The following ERC2 variants were observed in gnomAD, a reference collection of about 807,000 sequenced individuals.
The protein encoded by ERC2 is ELKS/RAB6-interacting/CAST family member 2, also known as ERC protein 2.
A neutral mutation model predicts 114.8 loss-of-function variants in ERC2; 42 were observed. That is an observed-to-expected ratio of 0.37 (90% CI 0.29 to 0.47). The LOEUF is 0.47. Among genes scored for constraint, ERC2 ranks in the 20% least tolerant of loss-of-function variants. The pLI is 0.99. For missense variants in ERC2, 939 were observed against 1,150.7 expected (o/e 0.82, Z 2.66); for synonymous variants, 454 against 425.5 (o/e 1.07, Z -0.82).
At chr3:55,615,050 T>C (rs2059068465) in intron 17 of ERC2, among the ~76,000 whole-genome samples, 1 of 152,258 alleles carries the variant, frequency 6.6e-6, no homozygotes. Flanking sequence ...GCAAGCCTAC[T>C]ATGTTCACAG....
At chr3:55,662,335 G>A (rs1340438392) in intron 17 of ERC2, among the ~76,000 whole-genome samples, 1 of 152,220 alleles carries the variant, frequency 6.6e-6, no homozygotes, top group Non-Finnish European at 1.5e-5. Flanking sequence ...CCCATTAACT[G>A]TGAGTGGCTA....
intron 2 of ERC2, among the ~76,000 whole-genome samples, chr3:56,378,822 G>A (rs987609205): frequency 5.3e-5 from 8 of 152,158 alleles, no homozygotes; most frequent in African/African-American, 1.9e-4. Context: ...CACCTCCACT[G>A]CAACAGAGGC....
At chr3:56,246,700 A>T (rs2051735098) in intron 3 of ERC2, among the ~76,000 whole-genome samples, 1 of 152,130 alleles carries the variant, frequency 6.6e-6, no homozygotes, top group African/African-American at 2.4e-5. Context: ...CTTAACTACT[A>T]GACCATTTGG....
At chr3:56,229,926 C>T (rs1165308362) in intron 3 of ERC2, among the ~76,000 whole-genome samples, 3 of 118,954 alleles carry the variant, frequency 2.5e-5, no homozygotes, top group East Asian at 5.8e-4. Context: ...GGCTGGGGTA[C>T]AGTGGCATGA....
chr3:55,544,408 C>T (rs1295075889), intron 17 of ERC2, among the ~76,000 whole-genome samples: 2 of 152,116 alleles, frequency 1.3e-5, no homozygotes, highest in Non-Finnish European at 2.9e-5. Flanking sequence ...TACCTCCCAC[C>T]CCCAGCTCTA....
intron 17 of ERC2, chr3:55,612,922 T>C (rs559955682): frequency 3.3e-5 from 5 of 152,342 alleles, no homozygotes; most frequent in African/African-American, 7.2e-5. Flanking sequence ...GCAAGGCTGA[T>C]TCATTTTTCT....
intron 15 of ERC2, among the ~76,000 whole-genome samples, chr3:55,730,690 G>A (rs1180172507): frequency 6.6e-6 from 1 of 152,200 alleles, no homozygotes; most frequent in African/African-American, 2.4e-5. Context: ...AGGCAATGTA[G>A]TGAAACCCCA....
chr3:55,992,040 A>G lies in ERC2; in HGVS notation c.2255+17T>C, dbSNP rs371956837. The G allele has an allele frequency of 2.3e-5, 37 of 1,608,938 alleles. No individual in the cohort carries two copies. Among genetic ancestry groups the G allele is most frequent in the South Asian group, 8.8e-5 (8 of 90,402 alleles). ...TGTTCTCTCACTGCCAACAATTTATATAACTGTAAAATTTACCTCTCCAGT... is the reference window on the plus strand; with the variant it reads ...TGTTCTCTCACTGCCAACAATTTATGTAACTGTAAAATTTACCTCTCCAGT... On this transcript the variant is annotated intron_variant, in intron 11 of 17. Transcript: ENST00000288221.
At chr3:55,515,350 T>C (rs990316464) in intron 17 of ERC2, among the ~76,000 whole-genome samples, 3 of 152,190 alleles carry the variant, frequency 2.0e-5, no homozygotes, top group Admixed American at 6.5e-5. Context: ...TTTAAACTTT[T>C]CCCCTGTATT....
chr3:55,990,353 A>G lies in ERC2; in HGVS notation c.2255+1704T>C, dbSNP rs370462152. Among the ~76,000 whole-genome samples the G allele has an allele frequency of 1.2e-4, 19 of 152,358 alleles. No individual in the cohort carries two copies. In the East Asian group the frequency reaches 2.7e-3, roughly 22 times the overall value. On this transcript the variant is annotated intron_variant, in intron 11 of 17. Transcript: ENST00000288221. ...AAATATTAATTGATTTGGAATTTGAATGTACCAAATATTATACCGGAAAAT... is the reference window on the plus strand; with the variant it reads ...AAATATTAATTGATTTGGAATTTGAGTGTACCAAATATTATACCGGAAAAT...
intron 3 of ERC2, among the ~76,000 whole-genome samples, chr3:56,233,877 C>G (rs1376014405): frequency 6.6e-6 from 1 of 152,152 alleles, no homozygotes; most frequent in African/African-American, 2.4e-5. Flanking sequence ...TTCTCTGACT[C>G]CAACCCTCTT....
intron 14 of ERC2, among the ~76,000 whole-genome samples, chr3:55,775,246 TG>T (rs1485056369): frequency 6.6e-6 from 1 of 151,918 alleles, no homozygotes; most frequent in Non-Finnish European, 1.5e-5. Flanking sequence ...AAAGAGAGAG[TG>T]GGGGTCGGGT....
chr3:56,405,263 G>C (rs1560764692), intron 2 of ERC2, among the ~76,000 whole-genome samples: 1 of 152,130 alleles, frequency 6.6e-6, no homozygotes, highest in Non-Finnish European at 1.5e-5. Context: ...GGTCAACATA[G>C]TGCAACCTTA....
intron 2 of ERC2, among the ~76,000 whole-genome samples, chr3:56,339,211 T>A (rs189967296): frequency 6.6e-6 from 1 of 152,204 alleles, no homozygotes; most frequent in East Asian, 1.9e-4. Context: ...TAACAACAGA[T>A]CATCACACAG....
At chr3:56,199,541 T>A (rs1478001094) in intron 3 of ERC2, among the ~76,000 whole-genome samples, 1 of 151,980 alleles carries the variant, frequency 6.6e-6, no homozygotes, top group Non-Finnish European at 1.5e-5. Context: ...AGAGTGTTGT[T>A]CTGTCACCCA....
intron 6 of ERC2, among the ~76,000 whole-genome samples, chr3:56,094,555 T>TA (rs2077955453): frequency 6.6e-6 from 1 of 152,104 alleles, no homozygotes; most frequent in Non-Finnish European, 1.5e-5. Flanking sequence ...TATCTTTTGA[T>TA]AAAAAAATAA....
chr3:56,007,216 C>G lies in ERC2; in HGVS notation c.2026G>C (p.Glu676Gln). 6.3e-7 allele frequency: 1 copy of G among 1,577,276 alleles called. No individual in the cohort carries two copies. The highest frequency in any genetic ancestry group is 1.2e-5 in the South Asian group (1 of 86,538). Reference protein sequence around the residue: ...SLEIAIEQKKEECSKLEAQLK... With the variant: ...SLEIAIEQKKQECSKLEAQLK... ...TGTGCTTCCAATTTGCTACATTCCT[C>G]TTTCTTTTGTTCAATGGCTATTTCT... is the stretch of plus-strand genomic sequence containing the variant. The change falls in exon 10 of 18, where the codon GAG (glutamate) becomes CAG (glutamine). Residue 676 changes from glutamate to glutamine, a missense_variant. Transcript: ENST00000288221.
chr3:55,640,442 A>C (rs1247688624), intron 17 of ERC2, among the ~76,000 whole-genome samples: 1 of 152,224 alleles, frequency 6.6e-6, no homozygotes, highest in Non-Finnish European at 1.5e-5. Context: ...TACAGAGTTG[A>C]CTGTACCAAG....
chr3:56,186,114 TAAAAAAAAAAAAA>T (rs201544979), intron 3 of ERC2, among the ~76,000 whole-genome samples: 45,479 of 103,666 alleles, frequency 0.44, 9,386 homozygotes, highest in East Asian at 0.78. Context: ...TCAAGAACCT[TAAAAAAAAAAAAA>T]AAAAAAAAAA....
Sources: allele counts gnomAD v4.1 joint callset (sites outside exome capture counted in the v4.1 genomes callset), GRCh38; gene constraint gnomAD v4.1.1; transcripts MANE v1.5; gene names NCBI Gene and HGNC (gene_info 2026-07-23, HGNC 2026-07-21).